The following CCDC34 variants were observed in gnomAD, a reference collection of about 807,000 sequenced individuals.
CCDC34 encodes the protein coiled-coil domain containing 34, also known as coiled-coil domain-containing protein 34.
A neutral mutation model predicts 44.1 loss-of-function variants in CCDC34; 40 were observed. The observed-to-expected ratio is 0.91, with a 90% confidence interval of 0.70 to 1.18. CCDC34 has a LOEUF of 1.18. CCDC34 is among the 50% of genes most tolerant of loss of function. The pLI, the probability that CCDC34 is intolerant of heterozygous loss-of-function variation, is 0.00. For missense variants in CCDC34, 466 were observed against 452.3 expected (o/e 1.03, Z -0.28); for synonymous variants, 159 against 158.2 (o/e 1.01, Z -0.04).
At chr11:27,353,986 AT>A (rs1223715221) in intron 2 of CCDC34, among the ~76,000 whole-genome samples, 1 of 152,190 alleles carries the variant, frequency 6.6e-6, no homozygotes. Context: ...ATGGTTAAAA[AT>A]TTGATATGGT....
intron 5 of CCDC34, among the ~76,000 whole-genome samples, 171 bp from the exon 6 acceptor site, chr11:27,339,206 C>A (rs531482620): frequency 6.6e-6 from 1 of 152,258 alleles, no homozygotes; most frequent in East Asian, 1.9e-4. Context: ...ATAAGTAACA[C>A]TTTCCAAATA....
At chr11:27,346,026 C>G (rs1862427673) in intron 3 of CCDC34, among the ~76,000 whole-genome samples, 1 of 151,998 alleles carries the variant, frequency 6.6e-6, no homozygotes. Flanking sequence ...TTGCATTTCT[C>G]TGATGGCCAT....
chr11:27,344,529 A>G (rs1862407465), intron 3 of CCDC34, among the ~76,000 whole-genome samples: 1 of 151,588 alleles, frequency 6.6e-6, no homozygotes, highest in Non-Finnish European at 1.5e-5. Context: ...CCTGTGTTGT[A>G]CATACGTGTA....
rs1224401535 is a variant in CCDC34, at chr11:27,362,898, ATCTTCATCCACGTCTTCC to A, written c.279_296del (p.Glu93_Glu98del). ...CCACTTTGGCCTCTGAATCATGGGC[ATCTTCATCCACGTCTTCC>A]TCATCATCCACGTCTTCCTCATCCT... On this transcript the variant is annotated inframe_deletion, in exon 1 of 6. Transcript: ENST00000328697. 6.2e-7 allele frequency: 1 copy of A among 1,613,806 alleles called. No individual in the cohort carries two copies. The highest frequency in any genetic ancestry group is 8.5e-7 in the Non-Finnish European group (1 of 1,179,936).
At chr11:27,349,767 CT>C (rs1343329436) in intron 3 of CCDC34, 2 of 951,466 alleles carry the variant, frequency 2.1e-6, no homozygotes, top group African/African-American at 3.5e-5. Context: ...ATTCATCTAG[CT>C]CCTGGAAAAC....
chr11:27,355,247 T>C (rs1030885448), intron 2 of CCDC34, among the ~76,000 whole-genome samples: 1 of 152,192 alleles, frequency 6.6e-6, no homozygotes, highest in African/African-American at 2.4e-5. Context: ...TAATGAATTA[T>C]GACCAGCCTT....
intron 3 of CCDC34, among the ~76,000 whole-genome samples, chr11:27,345,138 C>T (rs1334775146): frequency 1.3e-5 from 2 of 152,094 alleles, no homozygotes; most frequent in African/African-American, 2.4e-5. Context: ...TATCCACATG[C>T]AAACAAATGA....
chr11:27,341,659 G>C, intron 3 of CCDC34, 109 bp from the exon 4 acceptor site: 1 of 527,664 alleles, frequency 1.9e-6, no homozygotes, highest in South Asian at 4.2e-5. Flanking sequence ...TTTAAAAATA[G>C]ACATGATATC....
intron 2 of CCDC34, 79 bp downstream of exon 2, chr11:27,357,324 C>A (rs1253029637): frequency 4.7e-5 from 66 of 1,390,470 alleles, no homozygotes; most frequent in Non-Finnish European, 6.0e-5. Context: ...GGAATAATAA[C>A]ATTAACATTT....
At chr11:27,358,539 C>A (rs1862611554) in intron 1 of CCDC34, among the ~76,000 whole-genome samples, 1 of 152,120 alleles carries the variant, frequency 6.6e-6, no homozygotes, top group African/African-American at 2.4e-5. Context: ...ACTATTATTT[C>A]TTCATTCATT....
chr11:27,352,530 T>C (rs886892247), intron 2 of CCDC34, among the ~76,000 whole-genome samples: 2 of 152,278 alleles, frequency 1.3e-5, no homozygotes, highest in South Asian at 4.1e-4. Context: ...TATACAAATA[T>C]ATAAATATGA....
chr11:27,358,717 G>A (rs1862614474), intron 1 of CCDC34, among the ~76,000 whole-genome samples: 1 of 151,938 alleles, frequency 6.6e-6, no homozygotes, highest in Non-Finnish European at 1.5e-5. Flanking sequence ...GTAATTCCAG[G>A]CCAGACCGTC....
chr11:27,353,964 T>G (rs1862537973), intron 2 of CCDC34, among the ~76,000 whole-genome samples: 2 of 152,222 alleles, frequency 1.3e-5, no homozygotes, highest in African/African-American at 4.8e-5. Context: ...GGATCTGAGA[T>G]GACTATTCTT....
At chr11:27,360,189 T>C (rs190668537) in intron 1 of CCDC34, among the ~76,000 whole-genome samples, 33 of 152,342 alleles carry the variant, frequency 2.2e-4, no homozygotes, top group Non-Finnish European at 7.4e-5. Context: ...AGATATTTAT[T>C]ACAGCATGGT....
At chr11:27,350,242 T>C (rs1282875109) in intron 3 of CCDC34, 90 bp downstream of exon 3, 8 of 1,601,936 alleles carry the variant, frequency 5.0e-6, no homozygotes, top group African/African-American at 1.3e-5. Context: ...CTAAGAGAAG[T>C]ATTTTTTAAA....
intron 3 of CCDC34, among the ~76,000 whole-genome samples, chr11:27,343,752 C>T (rs1318842461): frequency 2.0e-5 from 3 of 152,190 alleles, no homozygotes; most frequent in African/African-American, 4.8e-5. Context: ...TATTTGTACA[C>T]ACTCTCAATT....
chr11:27,347,780 G>C (rs1443366529), intron 3 of CCDC34, among the ~76,000 whole-genome samples: 1 of 152,038 alleles, frequency 6.6e-6, no homozygotes, highest in Admixed American at 6.6e-5. Flanking sequence ...AACTCTCTGG[G>C]GTGATGGAAA....
chr11:27,340,650 C>T, intron 5 of CCDC34, 46 bp downstream of exon 5: 2 of 1,533,364 alleles, frequency 1.3e-6, no homozygotes, highest in Non-Finnish European at 8.8e-7. Context: ...ATAATATTTG[C>T]TTCTGCAAAC....
At chr11:27,352,109 G>A (rs539021510) in intron 2 of CCDC34, among the ~76,000 whole-genome samples, 2 of 152,288 alleles carry the variant, frequency 1.3e-5, no homozygotes, top group South Asian at 2.1e-4. Flanking sequence ...TGGGCCAGGC[G>A]CAGTGGCTCA....
Sources: allele counts gnomAD v4.1 joint callset (sites outside exome capture counted in the v4.1 genomes callset), GRCh38; gene constraint gnomAD v4.1.1; transcripts MANE v1.5; gene names NCBI Gene and HGNC (gene_info 2026-07-23, HGNC 2026-07-21).